Variants in KCNT2 observed in about 807,000 individuals in gnomAD.
The protein encoded by KCNT2 is potassium channel subfamily T member 2.
A neutral mutation model predicts 153.8 loss-of-function variants in KCNT2; 67 were observed. The ratio of observed to expected loss-of-function variants is 0.44; its 90% CI spans 0.36 to 0.53. The LOEUF (loss-of-function observed/expected upper bound fraction) is 0.53. KCNT2 is among the 20% of genes least tolerant of loss of function. The probability of loss-of-function intolerance (pLI) is 0.00; values close to 1 mark genes in which losing one functional copy is unlikely to be tolerated. For synonymous variants in KCNT2, 500 were observed against 458.8 expected (o/e 1.09, Z -1.15); for missense variants, 975 against 1,354.8 (o/e 0.72, Z 4.40).
intron 1 of KCNT2, among the ~76,000 whole-genome samples, chr1:196,586,571 T>C (rs528485821): frequency 1.3e-5 from 2 of 152,242 alleles, no homozygotes; most frequent in African/African-American, 4.8e-5. Context: ...GATTTATCAT[T>C]GAGTCACTTT....
At chr1:196,258,950 T>C (rs1291615053) in intron 25 of KCNT2, among the ~76,000 whole-genome samples, 1 of 152,246 alleles carries the variant, frequency 6.6e-6, no homozygotes. Flanking sequence ...ATTAATGTTG[T>C]TTTTAAATTA....
chr1:196,280,056 G>T (rs552547935), intron 25 of KCNT2, among the ~76,000 whole-genome samples: 1 of 151,958 alleles, frequency 6.6e-6, no homozygotes, highest in East Asian at 1.9e-4. Flanking sequence ...TAACTTTGAA[G>T]TGTCTGAAGA....
At chr1:196,374,304 A>G (rs1002232827) in intron 13 of KCNT2, among the ~76,000 whole-genome samples, 2 of 151,816 alleles carry the variant, frequency 1.3e-5, no homozygotes, top group African/African-American at 4.8e-5. Context: ...GAAAGAAGAA[A>G]AGGTTACATG....
intron 1 of KCNT2, among the ~76,000 whole-genome samples, chr1:196,585,079 A>G (rs1039901858): frequency 6.6e-6 from 1 of 152,104 alleles, no homozygotes; most frequent in African/African-American, 2.4e-5. Flanking sequence ...AAGTATGAGT[A>G]CAATACGATG....
intron 3 of KCNT2, among the ~76,000 whole-genome samples, chr1:196,486,864 T>G (rs540184081): frequency 4.9e-4 from 75 of 151,946 alleles, no homozygotes; most frequent in African/African-American, 1.8e-3. Flanking sequence ...CATAAAATAT[T>G]TAATACACAT....
intron 1 of KCNT2, among the ~76,000 whole-genome samples, chr1:196,526,288 A>G (rs895661899): frequency 1.3e-5 from 2 of 151,112 alleles, no homozygotes; most frequent in African/African-American, 4.8e-5. Context: ...CAATGCTTAT[A>G]TTTTATAAAT....
At chr1:196,551,386 A>T (rs1025109552) in intron 1 of KCNT2, among the ~76,000 whole-genome samples, 5 of 151,710 alleles carry the variant, frequency 3.3e-5, no homozygotes, top group African/African-American at 1.2e-4. Flanking sequence ...GATTCTGAGG[A>T]TGTTAAATCT....
intron 26 of KCNT2, among the ~76,000 whole-genome samples, chr1:196,238,767 A>C (rs538044407): frequency 8.5e-5 from 13 of 152,108 alleles, no homozygotes; most frequent in African/African-American, 3.1e-4. Flanking sequence ...CCAACACGGC[A>C]CATGCATACA....
At chr1:196,285,946 G>T (rs1659614816) in intron 22 of KCNT2, among the ~76,000 whole-genome samples, 188 bp from the exon 23 acceptor site, 1 of 151,900 alleles carries the variant, frequency 6.6e-6, no homozygotes, top group South Asian at 2.1e-4. Context: ...CATTTTCTCA[G>T]TTAAAACACC....
rs57881763 is a variant in KCNT2, at chr1:196,329,879, A to ATGTGTG, written c.2103+1271_2103+1276dup. The stretch of plus-strand genomic sequence containing the variant: ...TATATATGTGTATATATACACTTAT[A>ATGTGTG]TGTGTGTGTGTGTGTGTGTGTGTGT... On this transcript the variant is annotated intron_variant, in intron 18 of 27. Transcript: ENST00000294725. 3.0e-3 allele frequency among the ~76,000 whole-genome samples: 378 copies of ATGTGTG among 124,774 alleles called. 2 individuals carry two copies. Among genetic ancestry groups the ATGTGTG allele is most frequent in the African/African-American group, 0.01 (324 of 31,200 alleles). The allele number at this position is 124,774 out of a possible 152,430, so 81.9% of individuals were successfully genotyped here.
At chr1:196,546,249 A>G (rs1320716802) in intron 1 of KCNT2, among the ~76,000 whole-genome samples, 1 of 152,100 alleles carries the variant, frequency 6.6e-6, no homozygotes, top group Admixed American at 6.6e-5. Context: ...TTGATGATGT[A>G]CTTTGAAGCA....
At chr1:196,491,073 G>A (rs954357674) in intron 2 of KCNT2, among the ~76,000 whole-genome samples, 2 of 151,958 alleles carry the variant, frequency 1.3e-5, no homozygotes, top group African/African-American at 4.8e-5. Flanking sequence ...AAATTATGCT[G>A]GTTTTATAGA....
chr1:196,419,315 A>C (rs1673001712), intron 12 of KCNT2, among the ~76,000 whole-genome samples: 1 of 117,368 alleles, frequency 8.5e-6, no homozygotes, highest in African/African-American at 3.4e-5. Flanking sequence ...TCCTAATGCT[A>C]TCCCTCCCCC....
intron 27 of KCNT2, among the ~76,000 whole-genome samples, chr1:196,233,490 T>C (rs568393486): frequency 2.0e-5 from 3 of 151,572 alleles, no homozygotes; most frequent in African/African-American, 7.2e-5. Flanking sequence ...GTTTCTTCTG[T>C]ATTTATATTT....
intron 26 of KCNT2, among the ~76,000 whole-genome samples, chr1:196,238,266 T>C (rs1400539118): frequency 6.6e-6 from 1 of 151,934 alleles, no homozygotes; most frequent in Non-Finnish European, 1.5e-5. Context: ...GTTAAAAATG[T>C]AAAAATTGTG....
At chr1:196,496,848 A>G (rs1448002788) in intron 1 of KCNT2, among the ~76,000 whole-genome samples, 1 of 152,212 alleles carries the variant, frequency 6.6e-6, no homozygotes, top group Non-Finnish European at 1.5e-5. Context: ...CACGTTTGGC[A>G]TATGGGAGGA....
At chr1:196,433,492 T>C (rs1043516170) in intron 8 of KCNT2, among the ~76,000 whole-genome samples, 1 of 152,100 alleles carries the variant, frequency 6.6e-6, no homozygotes, top group African/African-American at 2.4e-5. Flanking sequence ...GTTCTGAAAC[T>C]AAATTGAGGT....
intron 27 of KCNT2, among the ~76,000 whole-genome samples, chr1:196,234,881 T>C (rs1654292463): frequency 6.6e-6 from 1 of 151,362 alleles, no homozygotes; most frequent in Non-Finnish European, 1.5e-5. Context: ...ATGTCAGTAA[T>C]ACAATCTATA....
In KCNT2 at chr1:196,261,557, A is replaced by C. The variant is rs1366832479; in HGVS notation, c.2911-3063T>G. On this transcript the variant is annotated intron_variant, in intron 25 of 27. Coordinates refer to ENST00000294725, the MANE Select transcript of KCNT2 (RefSeq NM_198503.5). ...AAATAATTATGATGGGTATGTAAAAAGTGAAAAATGGGGATGAAAAAGAGA... is the reference window on the plus strand; with the variant it reads ...AAATAATTATGATGGGTATGTAAAACGTGAAAAATGGGGATGAAAAAGAGA... Among the ~76,000 whole-genome samples, 6 of 151,942 alleles carry C rather than the reference A, an allele frequency of 3.9e-5. 1 individual carries two copies. In the East Asian group the frequency reaches 1.2e-3, roughly 29 times the overall value.
Sources: gnomAD v4.1 joint callset for allele counts (sites outside exome capture counted in the v4.1 genomes callset) on GRCh38, gnomAD v4.1.1 for gene constraint, MANE v1.5 for transcripts, NCBI Gene and HGNC (gene_info 2026-07-23, HGNC 2026-07-21) for gene names.